Variants in ACTG1 observed in about 807,000 individuals in gnomAD.
ACTG1 encodes actin gamma 1, also known as actin, cytoplasmic 2.
Under a neutral mutation model 34.3 loss-of-function variants are expected in ACTG1, and 14 were observed. The ratio of observed to expected loss-of-function variants is 0.41; its 90% CI spans 0.27 to 0.64. The LOEUF is 0.64. Ranked by LOEUF, ACTG1 falls within the 30% of genes least tolerant of loss-of-function variation. ACTG1 has a pLI of 0.33. For missense variants in ACTG1, 233 were observed against 529.5 expected, an observed-to-expected ratio of 0.44 and a Z score of 5.50; for synonymous variants, 422 against 213.9, an observed-to-expected ratio of 1.97 and a Z score of -8.49.
rs782317187 is a variant in ACTG1 at position 81,512,755 on chromosome 17, G to A, written c.-28C>T. 7.5e-5 allele frequency: 31 copies of A among 414,124 alleles called. No individual in the cohort carries two copies. The highest frequency in any genetic ancestry group is 5.1e-4 in the Admixed American group (18 of 35,310). The allele number at this position is 414,124 out of a possible 1,614,324, so 25.7% of individuals were successfully genotyped here. A position where few individuals can be genotyped will look rare whatever the true frequency, so the allele number is the denominator to read the frequency against. On this transcript the variant is annotated 5_prime_UTR_variant, in exon 1 of 6. Coordinates refer to ENST00000573283, the MANE Select transcript of ACTG1 (RefSeq NM_001614.5). ...TCACCGGCAGAGAAACGCGACGGCG[G>A]AGCGGCGGAAGAACAGAGTGCGAGA...
At chr17:81,511,863 G>GGAAA in intron 3 of ACTG1, 40 bp downstream of exon 3, 1 of 1,612,420 alleles carries the variant, frequency 6.2e-7, no homozygotes, top group Non-Finnish European at 8.5e-7. Context: ...AAATGACTGG[G>GGAAA]GAAAGGACGG....
Position 81,510,601 on chromosome 17 carries a change from G to A in ACTG1, c.*89C>T. On this transcript the variant is annotated 3_prime_UTR_variant, in exon 6 of 6. Coordinates refer to ENST00000573283, the MANE Select transcript of ACTG1 (RefSeq NM_001614.5). The stretch of plus-strand genomic sequence containing the variant: ...TCGAAGGCTTATTCCAGTTTCGTGA[G>A]GCTAGCATGAGGTGTGTGCATTTGC... 3 of 1,533,532 alleles carry A rather than the reference G, an allele frequency of 2.0e-6. No individual in the cohort carries two copies. Among genetic ancestry groups the A allele is most frequent in the Non-Finnish European group, 1.8e-6 (2 of 1,108,908 alleles). 95.0% of individuals were successfully genotyped at this position (1,533,532 alleles called of 1,614,324 possible).
Position 81,510,035 on chromosome 17 carries a change from A to C in ACTG1, c.*655T>G. 1 of 447,958 alleles carries C rather than the reference A, an allele frequency of 2.2e-6. No individual in the cohort carries two copies. The highest frequency in any genetic ancestry group is 1.6e-5 in the South Asian group (1 of 63,384). The allele number at this position is 447,958 out of a possible 1,614,324, so 27.7% of individuals were successfully genotyped here. A position where few individuals can be genotyped will look rare whatever the true frequency, so the allele number is the denominator to read the frequency against. On this transcript the variant is annotated 3_prime_UTR_variant, in exon 6 of 6. Transcript: ENST00000573283. ...CGTGTTGCTGGGGCCTAATGTTCTC[A>C]CATAACAGTAGAAAACCAAAATTTG... is the stretch of plus-strand genomic sequence containing the variant.
chr17:81,510,657 A>G lies in ACTG1; in HGVS notation c.*33T>C. The stretch of plus-strand genomic sequence containing the variant: ...GCAAATTTCTATTCTCAATTAACCC[A>G]TGCAGCAAATGCTACGCATCTGCTG... On this transcript the variant is annotated 3_prime_UTR_variant, in exon 6 of 6. Coordinates refer to ENST00000573283, the MANE Select transcript of ACTG1 (RefSeq NM_001614.5). 1.9e-6 allele frequency: 3 copies of G among 1,613,178 alleles called. No individual in the cohort carries two copies. In the East Asian group the frequency reaches 6.7e-5, roughly 36 times the overall value.
In ACTG1 at chr17:81,510,945, G is replaced by A. The variant is rs782101822; in HGVS notation, c.966C>T (p.Pro322=). 7 of 1,614,090 alleles carry A rather than the reference G, an allele frequency of 4.3e-6. No individual in the cohort carries two copies. The highest frequency in any genetic ancestry group is 2.2e-5 in the East Asian group (1 of 44,892). The change falls in exon 5 of 6, where the codon CCC becomes CCT. Residue 322 remains proline (P), a synonymous_variant. Coordinates refer to ENST00000573283, the MANE Select transcript of ACTG1 (RefSeq NM_001614.5). ...GACTCACCTTGATCTTCATGGTGCT[G>A]GGCGCCAGGGCGGTGATCTCCTTCT... ...RMQKEITALA[P]STMKIKIIAP... is the part of the protein sequence containing the mutation.
Position 81,511,545 on chromosome 17 carries a change from T to C in ACTG1, c.445A>G (p.Thr149Ala), listed in dbSNP as rs781968214. 6.2e-7 allele frequency: 1 copy of C among 1,613,806 alleles called. No homozygotes were observed. The highest frequency in any genetic ancestry group is 1.1e-5 in the South Asian group (1 of 91,076). The change falls in exon 4 of 6, where the codon ACT becomes GCT. Residue 149 changes from threonine to alanine, a missense_variant. Transcript: ENST00000573283. ...TCTCCAGAGTCCATGACAATGCCAG[T>C]GGTGCGCCCAGAGGCGTAGAGGGAC... ...VLSLYASGRT[T>A]GIVMDSGDGV... is the part of the protein sequence containing the mutation.
chr17:81,511,718 G>C (rs782685249), intron 3 of ACTG1, 92 bp from the exon 4 acceptor site: 1 of 1,517,872 alleles, frequency 6.6e-7, no homozygotes, highest in African/African-American at 1.4e-5. Flanking sequence ...CCAGTGTGAT[G>C]TGTGGAGAAA....
chr17:81,511,855 A>T, intron 3 of ACTG1, 48 bp downstream of exon 3: 1 of 1,611,296 alleles, frequency 6.2e-7, no homozygotes, highest in Non-Finnish European at 8.5e-7. Context: ...CGGGCAGAAA[A>T]TGACTGGGGA....
chr17:81,512,530 C>T (rs2031879711), intron 1 of ACTG1, 170 bp from the exon 2 acceptor site: 3 of 1,114,374 alleles, frequency 2.7e-6, no homozygotes, highest in Admixed American at 2.0e-5. Context: ...TACGTAACGT[C>T]CACGGCTCGG....
chr17:81,512,799 G>C lies in ACTG1; in HGVS notation c.-72C>G, dbSNP rs781954429. 5.6e-5 allele frequency: 23 copies of C among 409,466 alleles called. No homozygotes were observed. In the East Asian group the frequency reaches 1.3e-3, roughly 23 times the overall value. The allele number at this position is 409,466 out of a possible 1,614,324, so 25.4% of individuals were successfully genotyped here. On this transcript the variant is annotated 5_prime_UTR_variant, in exon 1 of 6. Coordinates refer to ENST00000573283, the MANE Select transcript of ACTG1 (RefSeq NM_001614.5). ...TGCGAGAGCTGGCAGCGGCGACTGA[G>C]ACCGACCGCGGCCTCCCCCGCCGTT...
chr17:81,510,604 T>C lies in ACTG1; in HGVS notation c.*86A>G, dbSNP rs782803364. ...AAGGCTTATTCCAGTTTCGTGAGGC[T>C]AGCATGAGGTGTGTGCATTTGCCAG... On this transcript the variant is annotated 3_prime_UTR_variant, in exon 6 of 6. Transcript: ENST00000573283. 3.9e-6 allele frequency: 6 copies of C among 1,546,930 alleles called. No individual in the cohort carries two copies. Among genetic ancestry groups the C allele is most frequent in the Admixed American group, 1.7e-5 (1 of 59,900 alleles).
Position 81,511,099 on chromosome 17 carries a change from G to A in ACTG1, c.812C>T (p.Ser271Phe), listed in dbSNP as rs2031736965. 6.2e-7 allele frequency: 1 copy of A among 1,614,034 alleles called. No homozygotes were observed. Among genetic ancestry groups the A allele is most frequent in the Non-Finnish European group, 8.5e-7 (1 of 1,180,044 alleles). Residue 271 changes from serine to phenylalanine, a missense_variant, in exon 5 of 6, where the codon TCT (serine) becomes TTT (phenylalanine). Ser to Phe is a radical substitution (Grantham distance 155). Transcript: ENST00000573283. ...LFQPSFLGME[S>F]CGIHETTFNS... ...GAAGGTGGTCTCGTGGATGCCGCAA[G>A]ATTCCATACCTAGGGGACAGAGCCC...
At position 81,510,849 on chromosome 17, in the gene ACTG1, G is replaced by T. The variant is rs1467230614; in HGVS notation, c.985-16C>A. The T allele has an allele frequency of 2.5e-6, 4 of 1,610,652 alleles. No homozygotes were observed. The Admixed American group carries it at 5.0e-5, about 20-fold the overall frequency. ...GTGCGATGATCTGCAAAGACAGCCA[G>T]GCACGGCTTCAGCTCACAGAGCGCC... On this transcript the variant is annotated splice_polypyrimidine_tract_variant and intron_variant, in intron 5 of 5. Coordinates refer to ENST00000573283, the MANE Select transcript of ACTG1 (RefSeq NM_001614.5).
chr17:81,511,155 T>TA, intron 4 of ACTG1, 33 bp downstream of exon 4: 1 of 1,613,616 alleles, frequency 6.2e-7, no homozygotes, highest in Non-Finnish European at 8.5e-7. Flanking sequence ...ACCGAGGATG[T>TA]AAGAGTAGAA....
Position 81,510,816 on chromosome 17 carries a change from C to T in ACTG1, c.1002G>A (p.Glu334=), listed in dbSNP as rs113262912. The T allele has an allele frequency of 3.7e-6, 6 of 1,613,994 alleles. No individual in the cohort carries two copies. In the African/African-American group the frequency reaches 5.3e-5, roughly 14 times the overall value. ...CACCGATCCACACCGAGTACTTGCG[C>T]TCTGGGGGTGCGATGATCTGCAAAG... ...TMKIKIIAPP[E]RKYSVWIGGS... The change falls in exon 6 of 6, where the codon GAG becomes GAA. Residue 334 remains glutamate (E), a synonymous_variant. Coordinates refer to ENST00000573283, the MANE Select transcript of ACTG1 (RefSeq NM_001614.5).
intron 1 of ACTG1, 130 bp from the exon 2 acceptor site, chr17:81,512,490 C>A (rs909938859): frequency 6.7e-7 from 1 of 1,481,942 alleles, no homozygotes; most frequent in African/African-American, 1.4e-5. Context: ...TCCAAGATCG[C>A]AACCGCCTGG....
At chr17:81,511,167 C>A (rs375103343) in intron 4 of ACTG1, 21 bp downstream of exon 4, 1 of 1,613,572 alleles carries the variant, frequency 6.2e-7, no homozygotes, top group African/African-American at 1.3e-5. Flanking sequence ...AGAGTAGAAA[C>A]CTTTAGCTCA....
In ACTG1 at chr17:81,511,091, T is replaced by G; in HGVS notation, c.820A>C (p.Ile274Leu). The G allele has an allele frequency of 6.2e-7, 1 of 1,613,986 alleles. No individual in the cohort carries two copies. The highest frequency in any genetic ancestry group is 8.5e-7 in the Non-Finnish European group (1 of 1,180,034). Reference protein sequence around the residue: ...PSFLGMESCGIHETTFNSIMK... With the variant: ...PSFLGMESCGLHETTFNSIMK... ...ATGGAGTTGAAGGTGGTCTCGTGGA[T>G]GCCGCAAGATTCCATACCTAGGGGA... Residue 274 changes from isoleucine to leucine, a missense_variant, in exon 5 of 6, where the codon ATC (isoleucine) becomes CTC (leucine). Ile to Leu is a conservative substitution (Grantham distance 5). Coordinates refer to ENST00000573283, the MANE Select transcript of ACTG1 (RefSeq NM_001614.5).
chr17:81,511,153 TG>T (rs782476013), intron 4 of ACTG1, 34 bp downstream of exon 4: 21 of 1,613,594 alleles, frequency 1.3e-5, no homozygotes, highest in Non-Finnish European at 1.8e-5. Flanking sequence ...TCACCGAGGA[TG>T]TAAGAGTAGA....
Sources: allele counts gnomAD v4.1 joint callset, GRCh38; gene constraint gnomAD v4.1.1; transcripts MANE v1.5; gene names NCBI Gene and HGNC (gene_info 2026-07-23, HGNC 2026-07-21).